The following ADIPOR1 variants were observed in gnomAD, a reference collection of about 807,000 sequenced individuals.
ADIPOR1 encodes the protein adiponectin receptor 1.
Under a neutral mutation model 37.5 loss-of-function variants are expected in ADIPOR1, and 15 were observed. The observed-to-expected ratio is 0.40, with a 90% confidence interval of 0.27 to 0.62. The LOEUF (loss-of-function observed/expected upper bound fraction) is 0.62, where lower values mean the gene tolerates loss of function less well. ADIPOR1 is among the 20% of genes least tolerant of loss of function. The probability of loss-of-function intolerance (pLI) is 0.42; values close to 1 mark genes in which losing one functional copy is unlikely to be tolerated. For missense variants in ADIPOR1, 286 were observed against 478.0 expected (o/e 0.60, Z 3.75); for synonymous variants, 173 against 173.2 (o/e 1.00, Z 0.01).
intron 5 of ADIPOR1, 36 bp from the exon 6 acceptor site, chr1:202,943,981 G>A (rs1409999611): frequency 1.9e-6 from 3 of 1,566,060 alleles, no homozygotes; most frequent in Non-Finnish European, 1.7e-6. Context: ...AAATCAGTGG[G>A]GGAAATGAAT....
At chr1:202,954,634 T>C (rs1571570379) in intron 1 of ADIPOR1, among the ~76,000 whole-genome samples, 1 of 152,150 alleles carries the variant, frequency 6.6e-6, no homozygotes, top group Non-Finnish European at 1.5e-5. Flanking sequence ...TTTGATGAGA[T>C]TTCTTCAACT....
At chr1:202,946,648 T>C (rs370960581) in intron 3 of ADIPOR1, 38 bp from the exon 4 acceptor site, 5 of 1,606,304 alleles carry the variant, frequency 3.1e-6, no homozygotes, top group South Asian at 2.2e-5. Flanking sequence ...GGGCACTAGA[T>C]AGTACCTTCC....
chr1:202,946,607 A>C lies in ADIPOR1; in HGVS notation c.262T>G (p.Trp88Gly), dbSNP rs1295361647. Residue 88 changes from tryptophan (W) to glycine (G), a missense_variant, in exon 4 of 8, where the codon TGG becomes GGG. Transcript: ENST00000340990. Reference protein sequence around the residue: ...EKMEEFVYKVWEGRWRVIPYD... With the variant: ...EKMEEFVYKVGEGRWRVIPYD... ...GGGATGACCCTCCAACGTCCCTCCCAGACCTAGAACATATACACTTTCTCT... is the reference window on the plus strand; with the variant it reads ...GGGATGACCCTCCAACGTCCCTCCCCGACCTAGAACATATACACTTTCTCT... 3.1e-6 allele frequency: 5 copies of C among 1,614,074 alleles called. No individual in the cohort carries two copies. In the Admixed American group the frequency reaches 6.7e-5, roughly 22 times the overall value.
At chr1:202,954,565 C>A (rs567446386) in intron 1 of ADIPOR1, among the ~76,000 whole-genome samples, 35 of 152,320 alleles carry the variant, frequency 2.3e-4, no homozygotes, top group African/African-American at 7.9e-4. Flanking sequence ...CCTTTCCCCT[C>A]AAGCTTGCCA....
intron 3 of ADIPOR1, among the ~76,000 whole-genome samples, chr1:202,946,990 C>T (rs1654355675): frequency 6.6e-6 from 1 of 151,914 alleles, no homozygotes; most frequent in African/African-American, 2.4e-5. Flanking sequence ...GTGGCGGGCA[C>T]CTGTAATCCC....
Position 202,941,711 on chromosome 1 carries a change from TA to T in ADIPOR1, c.1000-11del, listed in dbSNP as rs1558009174. 5.6e-6 allele frequency: 9 copies of T among 1,605,126 alleles called. No homozygotes were observed. Among genetic ancestry groups the T allele is most frequent in the Non-Finnish European group, 7.6e-6 (9 of 1,177,804 alleles). On this transcript the variant is annotated splice_polypyrimidine_tract_variant and intron_variant, in intron 7 of 7. Coordinates refer to ENST00000340990, the MANE Select transcript of ADIPOR1 (RefSeq NM_015999.6). ...TCTGATGAGACTGGAACTGTAGGAA[TA>T]AAAAGAAAAGAGCCTTTAGGATAAT...
intron 4 of ADIPOR1, among the ~76,000 whole-genome samples, chr1:202,945,956 TCAC>T (rs1305409380): frequency 4.0e-5 from 6 of 151,240 alleles, no homozygotes; most frequent in Admixed American, 4.0e-4. Flanking sequence ...ATCTCAGAAT[TCAC>T]CAGTATATAA....
In ADIPOR1 at chr1:202,945,002, C is replaced by G. The variant is rs772165061; in HGVS notation, c.598G>C (p.Val200Leu). The stretch of plus-strand genomic sequence containing the variant: ...ACTCACTTGGAAAAAGTCCGAGAGA[C>G]TTTCTCTGAATGACAATAGACGGTG... ...FHTVYCHSEK[V>L]SRTFSKLDYS... is the part of the protein sequence containing the mutation. Residue 200 changes from valine (V) to leucine (L), a missense_variant, in exon 5 of 8, where the codon GTC becomes CTC. Physicochemically the swap from Val to Leu is conservative, Grantham distance 32. Coordinates refer to ENST00000340990, the MANE Select transcript of ADIPOR1 (RefSeq NM_015999.6). 1 of 1,611,066 alleles carries G rather than the reference C, an allele frequency of 6.2e-7. No individual in the cohort carries two copies. Among genetic ancestry groups the G allele is most frequent in the South Asian group, 1.1e-5 (1 of 90,940 alleles).
chr1:202,955,372 C>T (rs1215416631), intron 1 of ADIPOR1, among the ~76,000 whole-genome samples: 1 of 149,450 alleles, frequency 6.7e-6, no homozygotes, highest in Non-Finnish European at 1.5e-5. Flanking sequence ...GGACTACAGG[C>T]ATGTGCCACC....
upstream of ADIPOR1, chr1:202,958,455 C>T (rs1252881725): frequency 6.5e-6 from 1 of 154,120 alleles, no homozygotes; most frequent in Non-Finnish European, 1.5e-5. Context: ...GCTGCCCCGC[C>T]TTCCCTGCCG....
At chr1:202,952,652 C>A (rs1654624897) in intron 1 of ADIPOR1, among the ~76,000 whole-genome samples, 1 of 152,210 alleles carries the variant, frequency 6.6e-6, no homozygotes, top group Non-Finnish European at 1.5e-5. Context: ...GGGACGTGCA[C>A]CAATAGCCCC....
rs746970526 is a variant in ADIPOR1 at position 202,941,205 on chromosome 1, A to C, written c.*368T>G. Reference sequence around the variant, plus strand: ...AGTTAAGGATGGGGGTAAGGGAGGGACATTTTCTTCCAGAAGAAAAGACAG... The same window carrying C: ...AGTTAAGGATGGGGGTAAGGGAGGGCCATTTTCTTCCAGAAGAAAAGACAG... On this transcript the variant is annotated 3_prime_UTR_variant, in exon 8 of 8. Transcript: ENST00000340990. 1.8e-4 allele frequency: 29 copies of C among 161,812 alleles called. No individual in the cohort carries two copies. Among genetic ancestry groups the C allele is most frequent in the Admixed American group, 8.9e-4 (14 of 15,788 alleles). 10.0% of individuals were successfully genotyped at this position (161,812 alleles called of 1,614,324 possible).
chr1:202,945,279 G>A (rs1654264306), intron 4 of ADIPOR1, 110 bp from the exon 5 acceptor site: 7 of 1,038,762 alleles, frequency 6.7e-6, no homozygotes, highest in South Asian at 2.1e-5. Flanking sequence ...TAATCATCAG[G>A]GAAATACAAA....
intron 4 of ADIPOR1, among the ~76,000 whole-genome samples, chr1:202,946,066 T>C (rs1005720329): frequency 1.4e-5 from 2 of 145,614 alleles, no homozygotes; most frequent in African/African-American, 5.2e-5. Flanking sequence ...AGCTGTGTAA[T>C]TGCAGTCCAA....
chr1:202,943,723 A>C (rs1254399822), intron 6 of ADIPOR1, 35 bp downstream of exon 6: 1 of 1,601,244 alleles, frequency 6.2e-7, no homozygotes, highest in Non-Finnish European at 8.5e-7. Flanking sequence ...TAAGGTCTAA[A>C]TACCTCTGAG....
At chr1:202,955,509 T>C (rs979383606) in intron 1 of ADIPOR1, among the ~76,000 whole-genome samples, 15 of 151,666 alleles carry the variant, frequency 9.9e-5, no homozygotes, top group Non-Finnish European at 1.5e-4. Context: ...TTTTGAGCCC[T>C]GACAGACAGG....
At chr1:202,944,164 C>G (rs1433437723) in intron 5 of ADIPOR1, 2 of 485,348 alleles carry the variant, frequency 4.1e-6, no homozygotes, top group Middle Eastern at 5.5e-4. Flanking sequence ...AATCCCCATT[C>G]AAAGAACTCT....
chr1:202,950,107 C>T (rs559625772), intron 2 of ADIPOR1, among the ~76,000 whole-genome samples: 9 of 151,952 alleles, frequency 5.9e-5, no homozygotes, highest in African/African-American at 1.4e-4. Flanking sequence ...GGATTACAGG[C>T]GACTGCCACC....
intron 5 of ADIPOR1, 81 bp downstream of exon 5, chr1:202,944,902 C>T: frequency 7.4e-7 from 1 of 1,352,688 alleles, no homozygotes; most frequent in East Asian, 2.3e-5. Flanking sequence ...GTGATATGAG[C>T]TCCTATCACC....
Sources: allele counts gnomAD v4.1 joint callset (sites outside exome capture counted in the v4.1 genomes callset), GRCh38; gene constraint gnomAD v4.1.1; transcripts MANE v1.5; gene names NCBI Gene and HGNC (gene_info 2026-07-23, HGNC 2026-07-21).